The following DLG2 variants were observed in gnomAD, a reference collection of about 807,000 sequenced individuals.
DLG2 encodes the protein disks large homolog 2.
Under a neutral mutation model 132.5 loss-of-function variants are expected in DLG2, and 45 were observed. That is an observed-to-expected ratio of 0.34 (90% CI 0.27 to 0.44). The LOEUF (loss-of-function observed/expected upper bound fraction) is 0.44, where lower values mean the gene tolerates loss of function less well. DLG2 is among the 20% of genes least tolerant of loss of function. The probability of loss-of-function intolerance (pLI) is 1.00; values close to 1 mark genes in which losing one functional copy is unlikely to be tolerated. For synonymous variants in DLG2, 424 were observed against 419.6 expected, an observed-to-expected ratio of 1.01 and a Z score of -0.13; for missense variants, 1,045 against 1,196.9, an observed-to-expected ratio of 0.87 and a Z score of 1.87.
At position 83,982,680 on chromosome 11, in the gene DLG2, C is replaced by G. The variant is rs143542574; in HGVS notation, c.920-2038G>C. ...ATAAACTTAATCTAGCCTAAGTGTA[C>G]AGTGTTCTTTAAGTCTACAGTAGTG... On this transcript the variant is annotated intron_variant, in intron 11 of 27. Coordinates refer to ENST00000376104, the MANE Select transcript of DLG2 (RefSeq NM_001142699.3). Among the ~76,000 whole-genome samples the G allele has an allele frequency of 3.8e-3, 575 of 152,136 alleles. 8 individuals are homozygous for G. The highest frequency in any genetic ancestry group is 0.013 in the African/African-American group (547 of 41,526).
intron 11 of DLG2, among the ~76,000 whole-genome samples, chr11:84,002,592 G>C (rs1309162513): frequency 6.6e-6 from 1 of 152,128 alleles, no homozygotes; most frequent in Non-Finnish European, 1.5e-5. Context: ...TGAAGCAATG[G>C]TCTGAGCTCT....
intron 4 of DLG2, among the ~76,000 whole-genome samples, chr11:85,224,795 A>G (rs2074874739): frequency 6.6e-6 from 1 of 152,206 alleles, no homozygotes; most frequent in Non-Finnish European, 1.5e-5. Context: ...TAAAGAGTTT[A>G]AAAGAGCAGT....
chr11:84,445,781 T>A (rs1007845502), intron 7 of DLG2, among the ~76,000 whole-genome samples: 4 of 151,766 alleles, frequency 2.6e-5, no homozygotes, highest in African/African-American at 9.7e-5. Context: ...CCGGGTGTGG[T>A]AGCGGGCGCC....
intron 21 of DLG2, chr11:83,486,350 G>GT: frequency 1.9e-6 from 1 of 533,850 alleles, no homozygotes; most frequent in Admixed American, 3.6e-5. Context: ...GACTTGTCAT[G>GT]CAAAAAAAAA....
At chr11:84,079,997 T>C (rs2096880997) in intron 10 of DLG2, among the ~76,000 whole-genome samples, 1 of 152,200 alleles carries the variant, frequency 6.6e-6, no homozygotes, top group Non-Finnish European at 1.5e-5. Flanking sequence ...GATTAGGTCA[T>C]GCCATTACAG....
At chr11:83,468,347 A>G (rs1022705987) in intron 25 of DLG2, among the ~76,000 whole-genome samples, 6 of 152,212 alleles carry the variant, frequency 3.9e-5, no homozygotes, top group Non-Finnish European at 5.9e-5. Context: ...ATGCTGGTTG[A>G]TTATTCACCA....
intron 10 of DLG2, among the ~76,000 whole-genome samples, chr11:84,061,153 C>T (rs1328497606): frequency 6.6e-6 from 1 of 152,140 alleles, no homozygotes; most frequent in African/African-American, 2.4e-5. Flanking sequence ...TGATTGGGCC[C>T]TCCATTTCCT....
chr11:84,813,421 C>T (rs2076780500), intron 6 of DLG2, among the ~76,000 whole-genome samples: 1 of 152,090 alleles, frequency 6.6e-6, no homozygotes, highest in African/African-American at 2.4e-5. Context: ...AACACCCTCC[C>T]AACCACAAAG....
intron 7 of DLG2, among the ~76,000 whole-genome samples, chr11:84,518,994 T>A (rs752974454): frequency 7.9e-5 from 12 of 152,158 alleles, no homozygotes; most frequent in Non-Finnish European, 1.8e-4. Context: ...GAAATCCTCC[T>A]ACCCACATTA....
chr11:84,388,328 C>A (rs1234506936), intron 7 of DLG2, among the ~76,000 whole-genome samples: 1 of 151,768 alleles, frequency 6.6e-6, no homozygotes, highest in Non-Finnish European at 1.5e-5. Flanking sequence ...CAAAAAAAAA[C>A]CCACATCTAT....
At chr11:83,916,061 C>T (rs547606340) in intron 15 of DLG2, among the ~76,000 whole-genome samples, 3 of 152,102 alleles carry the variant, frequency 2.0e-5, no homozygotes, top group African/African-American at 4.8e-5. Context: ...ATGCGTAACA[C>T]GTATCAGTAC....
rs367820717 is a variant in DLG2, at chr11:83,941,640, G to A, written c.1341-11157C>T. Among the ~76,000 whole-genome samples the A allele has an allele frequency of 2.0e-4, 31 of 152,016 alleles. No homozygotes were observed. In the East Asian group the frequency reaches 3.3e-3, roughly 16 times the overall value. On this transcript the variant is annotated intron_variant, in intron 14 of 27. Coordinates refer to ENST00000376104, the MANE Select transcript of DLG2 (RefSeq NM_001142699.3). Reference sequence around the variant, plus strand: ...AACTCTTGACCTCAGGTGATCCGCCGGCCTCAGCCTCCCCAAGTGATGGGA... The same window carrying A: ...AACTCTTGACCTCAGGTGATCCGCCAGCCTCAGCCTCCCCAAGTGATGGGA...
intron 18 of DLG2, among the ~76,000 whole-genome samples, chr11:83,784,443 T>G (rs1397302842): frequency 6.6e-6 from 1 of 152,232 alleles, no homozygotes; most frequent in East Asian, 1.9e-4. Context: ...AATTTAAAGC[T>G]GCAACAGATT....
At chr11:83,781,758 C>T (rs997708760) in intron 18 of DLG2, among the ~76,000 whole-genome samples, 3 of 152,140 alleles carry the variant, frequency 2.0e-5, no homozygotes, top group African/African-American at 7.2e-5. Context: ...CTAATACTAG[C>T]TACTGCCTAC....
intron 3 of DLG2, among the ~76,000 whole-genome samples, chr11:85,292,277 G>A (rs751513313): frequency 3.3e-5 from 5 of 152,016 alleles, no homozygotes; most frequent in Admixed American, 6.6e-5. Context: ...TGTGGTAAAC[G>A]TCCTATCTTA....
At chr11:85,037,374 T>TA (rs1199558357) in intron 6 of DLG2, among the ~76,000 whole-genome samples, 28 of 152,322 alleles carry the variant, frequency 1.8e-4, no homozygotes, top group Middle Eastern at 6.8e-3. Flanking sequence ...TCTTCCTTTA[T>TA]AAGTTGAGGA....
intron 14 of DLG2, among the ~76,000 whole-genome samples, chr11:83,962,244 C>T (rs368062362): frequency 1.3e-5 from 2 of 151,950 alleles, no homozygotes; most frequent in African/African-American, 4.8e-5. Flanking sequence ...ATGTGTAAAA[C>T]ATAAACTCAT....
chr11:84,693,546 C>A (rs867595013), intron 6 of DLG2, among the ~76,000 whole-genome samples: 1 of 151,650 alleles, frequency 6.6e-6, no homozygotes, highest in African/African-American at 2.4e-5. Flanking sequence ...AGCATATCCA[C>A]GTTCCACATG....
At chr11:85,469,740 C>G (rs1220757757) in intron 3 of DLG2, 1 of 152,180 alleles carries the variant, frequency 6.6e-6, no homozygotes, top group Non-Finnish European at 1.5e-5. Flanking sequence ...AATTGATTGC[C>G]TTAAGTATTT....
Sources: allele counts gnomAD v4.1 joint callset (sites outside exome capture counted in the v4.1 genomes callset), GRCh38; gene constraint gnomAD v4.1.1; transcripts MANE v1.5; gene names NCBI Gene and HGNC (gene_info 2026-07-23, HGNC 2026-07-21).